GALNT18: variants seen among roughly 807,000 people sequenced by gnomAD.
GALNT18 encodes polypeptide N-acetylgalactosaminyltransferase 18, also known as GalNAc-transferase 18.
In GALNT18, 44 loss-of-function variants were observed where a neutral mutation model predicts 69.5. That is an observed-to-expected ratio of 0.63 (90% CI 0.50 to 0.81). The LOEUF is 0.81. Ranked by LOEUF, GALNT18 falls within the 40% of genes least tolerant of loss-of-function variation. The pLI is 0.00. For missense variants in GALNT18, 715 were observed against 810.0 expected, an observed-to-expected ratio of 0.88 and a Z score of 1.42; for synonymous variants, 364 against 318.2, an observed-to-expected ratio of 1.14 and a Z score of -1.53.
chr11:11,332,714 C>G lies in GALNT18; in HGVS notation c.1396G>C (p.Asp466His), dbSNP rs779912079. The G allele has an allele frequency of 1.2e-6, 2 of 1,614,110 alleles. No individual in the cohort carries two copies. Among genetic ancestry groups the G allele is most frequent in the East Asian group, 4.5e-5 (2 of 44,880 alleles). Residue 466 changes from aspartate to histidine, a missense_variant, in exon 8 of 11, where the codon GAC becomes CAC. Transcript: ENST00000227756. This position sits in a 1 kb window ranked among gnomAD's most constrained non-coding sequence, Gnocchi z 4.3. ...CTTACCACTCCATAGGCAATGATGT[C>G]GGAGTACATCCTCATCTCTGGGTAC... Reference protein sequence around the residue: ...SVYPEMRMYSDIIAYGVLQNS... With the variant: ...SVYPEMRMYSHIIAYGVLQNS...
intron 1 of GALNT18, among the ~76,000 whole-genome samples, chr11:11,458,514 C>A (rs1855970895): frequency 6.6e-6 from 1 of 152,226 alleles, no homozygotes; most frequent in Admixed American, 6.5e-5. Context: ...TGTCGGCTTT[C>A]AGTAAACTCC....
rs1185187408 is a variant in GALNT18 at position 11,470,029 on chromosome 11, C to T, written c.236-21093G>A. On this transcript the variant is annotated intron_variant, in intron 1 of 10. Transcript: ENST00000227756. This position sits in a 1 kb window ranked among gnomAD's most constrained non-coding sequence, Gnocchi z 4.8. ...CTTTGTAACTGCTTCCCATAGGAAC[C>T]TTTAGAGAAAGACTGTCCCTCCAAT... 1.3e-5 allele frequency among the ~76,000 whole-genome samples: 2 copies of T among 152,188 alleles called. No homozygotes were observed. The highest frequency in any genetic ancestry group is 2.9e-5 in the Non-Finnish European group (2 of 68,036).
In GALNT18 at chr11:11,511,376, G is replaced by A. The variant is rs1417433741; in HGVS notation, c.236-62440C>T. Among the ~76,000 whole-genome samples the A allele has an allele frequency of 1.3e-5, 2 of 152,148 alleles. No homozygotes were observed. Among genetic ancestry groups the A allele is most frequent in the African/African-American group, 4.8e-5 (2 of 41,434 alleles). On this transcript the variant is annotated intron_variant, in intron 1 of 10. Coordinates refer to ENST00000227756, the MANE Select transcript of GALNT18 (RefSeq NM_198516.3). The surrounding 1 kb of genome is among the most constrained non-coding windows in gnomAD (Gnocchi z 4.9). ...CAAAGAGCTACAGCTCAAGGTTGCT[G>A]TGTCCCCGCAGCCAAGGCTGAAGCA...
At chr11:11,286,316 C>T (rs567616318) in intron 10 of GALNT18, among the ~76,000 whole-genome samples, 2 of 152,312 alleles carry the variant, frequency 1.3e-5, no homozygotes, top group South Asian at 2.1e-4. Flanking sequence ...CTGAGGTGAT[C>T]GGAAGAAGTG....
Position 11,616,151 on chromosome 11 carries a change from T to C in GALNT18, c.235+5208A>G, listed in dbSNP as rs1442212675. On this transcript the variant is annotated intron_variant, in intron 1 of 10. Coordinates refer to ENST00000227756, the MANE Select transcript of GALNT18 (RefSeq NM_198516.3). The surrounding 1 kb of genome is among the most constrained non-coding windows in gnomAD (Gnocchi z 4.4). ...ACGCCTGGCCAAACACTGATAGTCTTAGAGAACAATAAGCAAGGACACAAA... is the reference window on the plus strand; with the variant it reads ...ACGCCTGGCCAAACACTGATAGTCTCAGAGAACAATAAGCAAGGACACAAA... Among the ~76,000 whole-genome samples, 1 of 152,060 alleles carries C rather than the reference T, an allele frequency of 6.6e-6. No individual in the cohort carries two copies. The highest frequency in any genetic ancestry group is 1.5e-5 in the Non-Finnish European group (1 of 68,008).
rs1285630296 is a variant in GALNT18, at chr11:11,320,241, T to C, written c.1512+6845A>G. ...GATGCTTAGGGAGGAATATGTAAGT[T>C]TTCATAGAAGAGGTCAGAAATACCG... On this transcript the variant is annotated intron_variant, in intron 9 of 10. Transcript: ENST00000227756. This position sits in a 1 kb window ranked among gnomAD's most constrained non-coding sequence, Gnocchi z 4.9. 1.3e-5 allele frequency among the ~76,000 whole-genome samples: 2 copies of C among 152,178 alleles called. No individual in the cohort carries two copies. The highest frequency in any genetic ancestry group is 2.9e-5 in the Non-Finnish European group (2 of 68,028).
chr11:11,585,089 G>A (rs1259940769), intron 1 of GALNT18, among the ~76,000 whole-genome samples: 8 of 152,162 alleles, frequency 5.3e-5, no homozygotes, highest in Admixed American at 5.2e-4. Flanking sequence ...CTAACTCTGT[G>A]AGCTTATCCT....
Position 11,423,721 on chromosome 11 carries a change from G to T in GALNT18, c.595+8900C>A, listed in dbSNP as rs74580445. 5.2e-3 allele frequency among the ~76,000 whole-genome samples: 798 copies of T among 152,342 alleles called. 4 individuals are homozygous for T. The highest frequency in any genetic ancestry group is 0.018 in the African/African-American group (767 of 41,584). On this transcript the variant is annotated intron_variant, in intron 3 of 10. Transcript: ENST00000227756. The stretch of plus-strand genomic sequence containing the variant: ...AATCAGAGACCCATGGTGTACCAGA[G>T]GCAAGCAGCCTGTTTAATGGTAAAG...
chr11:11,313,790 T>C (rs974413428), intron 9 of GALNT18, among the ~76,000 whole-genome samples: 1 of 152,204 alleles, frequency 6.6e-6, no homozygotes, highest in Non-Finnish European at 1.5e-5. Context: ...AGAATAGCAG[T>C]GCCTACTTCA....
chr11:11,334,033 A>C (rs1850065879), intron 7 of GALNT18, among the ~76,000 whole-genome samples: 1 of 152,016 alleles, frequency 6.6e-6, no homozygotes, highest in African/African-American at 2.4e-5. Flanking sequence ...CCCAGAGTGG[A>C]GGGCAGATGA....
chr11:11,608,554 G>T (rs1859809550), intron 1 of GALNT18, among the ~76,000 whole-genome samples: 1 of 151,990 alleles, frequency 6.6e-6, no homozygotes, highest in Non-Finnish European at 1.5e-5. Flanking sequence ...GTAGAGACAG[G>T]ATTTCATCAT....
intron 6 of GALNT18, among the ~76,000 whole-genome samples, chr11:11,359,975 C>T (rs988225390): frequency 3.3e-5 from 5 of 152,150 alleles, no homozygotes; most frequent in Admixed American, 2.6e-4. Flanking sequence ...ATAATACACA[C>T]AAGTGATTGC....
At position 11,538,220 on chromosome 11, in the gene GALNT18, A is replaced by T. The variant is rs1206093918; in HGVS notation, c.235+83139T>A. ...AATTCAAACCCAATCTGACACCTTGACCTTTCTGGTTCTGAGCTCAAGGTC... is the reference window on the plus strand; with the variant it reads ...AATTCAAACCCAATCTGACACCTTGTCCTTTCTGGTTCTGAGCTCAAGGTC... On this transcript the variant is annotated intron_variant, in intron 1 of 10. Coordinates refer to ENST00000227756, the MANE Select transcript of GALNT18 (RefSeq NM_198516.3). This position sits in a 1 kb window ranked among gnomAD's most constrained non-coding sequence, Gnocchi z 5.2. Among the ~76,000 whole-genome samples the T allele has an allele frequency of 6.6e-6, 1 of 152,120 alleles. No homozygotes were observed. Among genetic ancestry groups the T allele is most frequent in the African/African-American group, 2.4e-5 (1 of 41,446 alleles).
intron 3 of GALNT18, among the ~76,000 whole-genome samples, chr11:11,428,020 C>T (rs569019797): frequency 1.3e-5 from 2 of 152,216 alleles, no homozygotes; most frequent in Non-Finnish European, 2.9e-5. Flanking sequence ...ACTTATCTGC[C>T]AAACTCCCCA....
At chr11:11,513,917 G>T (rs1193363348) in intron 1 of GALNT18, among the ~76,000 whole-genome samples, 2 of 152,190 alleles carry the variant, frequency 1.3e-5, no homozygotes, top group African/African-American at 4.8e-5. Flanking sequence ...AAGGCACAAG[G>T]CTTGAATGGG....
In GALNT18 at chr11:11,618,186, AC is replaced by A. The variant is rs1860101919; in HGVS notation, c.235+3172del. On this transcript the variant is annotated intron_variant, in intron 1 of 10. Coordinates refer to ENST00000227756, the MANE Select transcript of GALNT18 (RefSeq NM_198516.3). The surrounding 1 kb of genome is among the most constrained non-coding windows in gnomAD (Gnocchi z 6.1). The stretch of plus-strand genomic sequence containing the variant: ...CAAGTCCTATGGAACATCCTGCAGA[AC>A]ATTTTGTGACATTTGCAGCTTCAAG... Among the ~76,000 whole-genome samples, 1 of 152,228 alleles carries A rather than the reference AC, an allele frequency of 6.6e-6. No individual in the cohort carries two copies. Among genetic ancestry groups the A allele is most frequent in the East Asian group, 1.9e-4 (1 of 5,200 alleles).
intron 1 of GALNT18, among the ~76,000 whole-genome samples, chr11:11,522,316 T>C (rs1367030434): frequency 1.3e-5 from 2 of 152,118 alleles, no homozygotes; most frequent in Admixed American, 1.3e-4. Flanking sequence ...CTTCCCTGCA[T>C]CCCATCCCTC....
rs555790843 is a variant in GALNT18 at position 11,548,317 on chromosome 11, C to G, written c.235+73042G>C. Among the ~76,000 whole-genome samples the G allele has an allele frequency of 7.9e-5, 12 of 152,282 alleles. No individual in the cohort carries two copies. In the South Asian group the frequency reaches 2.5e-3, roughly 32 times the overall value. ...GTTCCAGTGCACTGCATGGAACACC[C>G]TAGTGAGACTGCAGTAGGTAGAAAA... On this transcript the variant is annotated intron_variant, in intron 1 of 10. Coordinates refer to ENST00000227756, the MANE Select transcript of GALNT18 (RefSeq NM_198516.3).
chr11:11,381,712 C>T (rs1015882461), intron 3 of GALNT18, among the ~76,000 whole-genome samples: 1 of 152,182 alleles, frequency 6.6e-6, no homozygotes, highest in African/African-American at 2.4e-5. Flanking sequence ...TAGGCCACCC[C>T]ACAAAGGCCC....
Sources: gnomAD v4.1 joint callset for allele counts (sites outside exome capture counted in the v4.1 genomes callset) on GRCh38, gnomAD v4.1.1 for gene constraint, Gnocchi (gnomAD v3.1) non-coding constraint, MANE v1.5 for transcripts, NCBI Gene and HGNC (gene_info 2026-07-23, HGNC 2026-07-21) for gene names.